Variants in SMOC2 observed in about 807,000 individuals in gnomAD.
SMOC2 encodes SPARC-related modular calcium-binding protein 2.
SMOC2 carries 39 observed loss-of-function variants against 61.4 expected under a neutral mutation model. That is an observed-to-expected ratio of 0.64 (90% CI 0.49 to 0.83). The LOEUF is 0.83. SMOC2 is among the 40% of genes least tolerant of loss of function. SMOC2 has a pLI of 0.00. For synonymous variants in SMOC2, 247 were observed against 239.9 expected, an observed-to-expected ratio of 1.03 and a Z score of -0.27; for missense variants, 556 against 592.9, an observed-to-expected ratio of 0.94 and a Z score of 0.65.
chr6:168,442,000 C>G (rs1781222248), intron 1 of SMOC2, among the ~76,000 whole-genome samples: 1 of 152,248 alleles, frequency 6.6e-6, no homozygotes, highest in Non-Finnish European at 1.5e-5. Context: ...CCGCGCGGAT[C>G]CCGGGCCTCT....
At chr6:168,635,815 G>C (rs1786700949) in intron 9 of SMOC2, among the ~76,000 whole-genome samples, 1 of 150,070 alleles carries the variant, frequency 6.7e-6, no homozygotes, top group Non-Finnish European at 1.5e-5. Context: ...AGCTTGCAGT[G>C]AGCTGAGATC....
chr6:168,483,228 A>C (rs1259548117), intron 1 of SMOC2, among the ~76,000 whole-genome samples: 2 of 151,972 alleles, frequency 1.3e-5, no homozygotes, highest in Admixed American at 1.3e-4. Flanking sequence ...AGAACCAGTA[A>C]ATGAATTCAG....
chr6:168,658,162 C>T (rs1008892260), intron 11 of SMOC2, among the ~76,000 whole-genome samples: 1 of 152,136 alleles, frequency 6.6e-6, no homozygotes, highest in Non-Finnish European at 1.5e-5. Context: ...TGGTGTCCCT[C>T]ACCCCTGATG....
chr6:168,603,179 T>A (rs1785599527), intron 8 of SMOC2, among the ~76,000 whole-genome samples: 1 of 152,034 alleles, frequency 6.6e-6, no homozygotes, highest in African/African-American at 2.4e-5. Context: ...TCCTTTGCTT[T>A]CTGCCATGAC....
intron 9 of SMOC2, among the ~76,000 whole-genome samples, chr6:168,638,366 C>CT (rs1171707740): frequency 6.6e-6 from 1 of 152,196 alleles, no homozygotes; most frequent in Non-Finnish European, 1.5e-5. Context: ...GGGAACATAA[C>CT]TTTAAGAGCA....
At chr6:168,581,180 G>A (rs1784908534) in intron 7 of SMOC2, among the ~76,000 whole-genome samples, 1 of 151,798 alleles carries the variant, frequency 6.6e-6, no homozygotes, top group African/African-American at 2.4e-5. Flanking sequence ...AATACTAAAG[G>A]GGCACTTTTA....
chr6:168,653,579 C>T (rs1239303253), intron 11 of SMOC2, among the ~76,000 whole-genome samples: 4 of 150,990 alleles, frequency 2.6e-5, no homozygotes, highest in Admixed American at 2.6e-4. Context: ...TGCACCTGAG[C>T]TCCAACCAAA....
chr6:168,529,899 G>A (rs1783548287), intron 4 of SMOC2, among the ~76,000 whole-genome samples: 1 of 152,222 alleles, frequency 6.6e-6, no homozygotes. Context: ...GCGCCAGGGA[G>A]CTGGACCTCT....
chr6:168,521,754 C>T (rs2115068145), intron 2 of SMOC2, among the ~76,000 whole-genome samples: 1 of 152,248 alleles, frequency 6.6e-6, no homozygotes, highest in East Asian at 1.9e-4. Flanking sequence ...TGGTGCCTGT[C>T]TTCCCAGCTA....
rs143055665 is a variant in SMOC2 at position 168,608,227 on chromosome 6, C to T, written c.895C>T (p.Arg299Cys). 2.0e-4 allele frequency: 324 copies of T among 1,612,410 alleles called. No homozygotes were observed. Among genetic ancestry groups the T allele is most frequent in the Non-Finnish European group, 2.7e-4 (316 of 1,179,466 alleles). ...CAAAGCCCGGGACCTGTACAAGGGC[C>T]GCCAGCTACAAGGTGAGCAGCACCC... ...PAKARDLYKG[R>C]QLQGCPGAKK... Residue 299 changes from arginine to cysteine, a missense_variant, in exon 9 of 13, where the codon CGC becomes TGC. Transcript: ENST00000356284.
At position 168,661,493 on chromosome 6, in the gene SMOC2, T is replaced by A. The variant is rs1017089836; in HGVS notation, c.1286-2581T>A. On this transcript the variant is annotated intron_variant, in intron 11 of 12. Coordinates refer to ENST00000356284, the MANE Select transcript of SMOC2 (RefSeq NM_001166412.2). ...GGTGTGAGCCTGTAATCCCAGCTAC[T>A]CGGGAGGCTGAGGCAGGAAAATTGC... Among the ~76,000 whole-genome samples the A allele has an allele frequency of 5.0e-4, 76 of 152,082 alleles. 2 individuals are homozygous for A. The highest frequency in any genetic ancestry group is 7.4e-5 in the Non-Finnish European group (5 of 68,024).
chr6:168,556,170 G>C (rs1225328550), intron 7 of SMOC2, among the ~76,000 whole-genome samples: 1 of 152,152 alleles, frequency 6.6e-6, no homozygotes, highest in Non-Finnish European at 1.5e-5. Context: ...GTGCGGGAGG[G>C]AAGGAGGGAC....
chr6:168,655,468 CTT>C, intron 11 of SMOC2: 1 of 454,920 alleles, frequency 2.2e-6, no homozygotes, highest in Admixed American at 2.4e-5. Context: ...CCGGGTCTGA[CTT>C]TTCAGCTCAG....
rs1314432078 is a variant in SMOC2 at position 168,667,277 on chromosome 6, C to T, written c.*839C>T. On this transcript the variant is annotated 3_prime_UTR_variant, in exon 13 of 13. Transcript: ENST00000356284. ...CAGGCTTGTCTGCCTGGTTTTCCTC[C>T]TACACGTGGACATTATTCTCCTGAT... 6.6e-6 allele frequency: 1 copy of T among 152,216 alleles called. No individual in the cohort carries two copies. The highest frequency in any genetic ancestry group is 2.4e-5 in the African/African-American group (1 of 41,444). 9.4% of individuals were successfully genotyped at this position (152,216 alleles called of 1,614,324 possible).
At chr6:168,654,284 AAAT>A (rs1787280182) in intron 11 of SMOC2, among the ~76,000 whole-genome samples, 2 of 50,380 alleles carry the variant, frequency 4.0e-5, no homozygotes, top group African/African-American at 1.3e-4. Flanking sequence ...AGCTCCAACC[AAAT>A]GTTAGGAACT....
intron 2 of SMOC2, among the ~76,000 whole-genome samples, chr6:168,525,773 GCT>G (rs1783439290): frequency 6.6e-6 from 1 of 152,158 alleles, no homozygotes; most frequent in Admixed American, 6.5e-5. Flanking sequence ...GACGAGCCAC[GCT>G]CTCCTCTCAG....
At chr6:168,550,318 C>T (rs1240753759) in intron 7 of SMOC2, among the ~76,000 whole-genome samples, 1 of 152,178 alleles carries the variant, frequency 6.6e-6, no homozygotes, top group Non-Finnish European at 1.5e-5. Flanking sequence ...GGTTATGCAT[C>T]CATATATTCT....
intron 7 of SMOC2, among the ~76,000 whole-genome samples, chr6:168,563,863 C>G (rs535291917): frequency 2.8e-4 from 42 of 152,040 alleles, no homozygotes; most frequent in African/African-American, 9.9e-4. Context: ...ACCGGAGGCT[C>G]GGTGTCCGTA....
In SMOC2 at chr6:168,650,728, G is replaced by A. The variant is rs921951281; in HGVS notation, c.955G>A (p.Ala319Thr). The change falls in exon 10 of 13, where the codon GCG becomes ACG. Residue 319 changes from alanine to threonine, a missense_variant. Coordinates refer to ENST00000356284, the MANE Select transcript of SMOC2 (RefSeq NM_001166412.2). ...TGAGTTTCTGACCAGCGTTCTGGAC[G>A]CGCTGTCCACGGACATGGTCCACGC... ...KHEFLTSVLD[A>T]LSTDMVHAAS... 7 of 1,613,706 alleles carry A rather than the reference G, an allele frequency of 4.3e-6. No individual in the cohort carries two copies. The highest frequency in any genetic ancestry group is 2.2e-5 in the South Asian group (2 of 91,062).
Sources: gnomAD v4.1 joint callset for allele counts (sites outside exome capture counted in the v4.1 genomes callset) on GRCh38, gnomAD v4.1.1 for gene constraint, MANE v1.5 for transcripts, NCBI Gene and HGNC (gene_info 2026-07-23, HGNC 2026-07-21) for gene names.